SNX4: variants seen among roughly 807,000 people sequenced by gnomAD.
The protein encoded by SNX4 is sorting nexin-4.
SNX4 carries 49 observed loss-of-function variants against 70.8 expected under a neutral mutation model. The ratio of observed to expected loss-of-function variants is 0.69; its 90% CI spans 0.55 to 0.88. SNX4 has a LOEUF of 0.88. Among genes scored for constraint, SNX4 ranks in the 40% least tolerant of loss-of-function variants. The pLI is 0.00. For synonymous variants in SNX4, 206 were observed against 183.8 expected (o/e 1.12, Z -0.98); for missense variants, 528 against 544.8 (o/e 0.97, Z 0.31).
At chr3:125,517,924 C>T (rs930961931) in intron 1 of SNX4, among the ~76,000 whole-genome samples, 4 of 151,356 alleles carry the variant, frequency 2.6e-5, no homozygotes, top group Non-Finnish European at 4.4e-5. Flanking sequence ...CTGCAGTGAC[C>T]CGAGATCACG....
At chr3:125,498,557 C>T (rs1934860918) in intron 2 of SNX4, among the ~76,000 whole-genome samples, 1 of 152,146 alleles carries the variant, frequency 6.6e-6, no homozygotes, top group Non-Finnish European at 1.5e-5. Flanking sequence ...GGGCTTAAGC[C>T]ATCCTCCTGC....
chr3:125,503,761 T>G (rs1934981539), intron 2 of SNX4, among the ~76,000 whole-genome samples: 1 of 152,222 alleles, frequency 6.6e-6, no homozygotes, highest in Admixed American at 6.5e-5. Flanking sequence ...AAAGCATGTA[T>G]CGTTATTTGA....
At chr3:125,464,564 C>CTTTTTTTTTTTT (rs778518316) in intron 9 of SNX4, among the ~76,000 whole-genome samples, 19 of 67,056 alleles carry the variant, frequency 2.8e-4, no homozygotes, top group East Asian at 5.1e-4. Context: ...ATTTATCTTT[C>CTTTTTTTTTTTT]TTTTTTTTTT....
intron 2 of SNX4, 79 bp from the exon 3 acceptor site, chr3:125,498,273 A>G: frequency 7.8e-7 from 1 of 1,278,306 alleles, no homozygotes; most frequent in South Asian, 1.4e-5. Flanking sequence ...CTTTAAAATT[A>G]TAACTACAGA....
rs71148182 is a variant in SNX4, at chr3:125,506,817, T to TAAAAA, written c.142-2078_142-2074dup. Among the ~76,000 whole-genome samples, 11 of 26,830 alleles carry TAAAAA rather than the reference T, an allele frequency of 4.1e-4. 2 individuals are homozygous for TAAAAA. The highest frequency in any genetic ancestry group is 6.3e-4 in the Non-Finnish European group (8 of 12,788). The allele number at this position is 26,830 out of a possible 152,430, so 17.6% of individuals were successfully genotyped here. On this transcript the variant is annotated intron_variant, in intron 1 of 13. Coordinates refer to ENST00000251775, the MANE Select transcript of SNX4 (RefSeq NM_003794.4). ...AACTTAAAGAAAGATGTGGAGAAAG[T>TAAAAA]AAAAAAAAAAAAAAAAAAAAAAAAA... is the stretch of plus-strand genomic sequence containing the variant.
Position 125,502,030 on chromosome 3 carries a change from G to A in SNX4, c.263+2593C>T, listed in dbSNP as rs116437637. Reference sequence around the variant, plus strand: ...TCCAAATCAAGGTTCTCTCCTAGCAGTAAAAGTAATCAATACCTATGTGGG... The same window carrying A: ...TCCAAATCAAGGTTCTCTCCTAGCAATAAAAGTAATCAATACCTATGTGGG... On this transcript the variant is annotated intron_variant, in intron 2 of 13. Coordinates refer to ENST00000251775, the MANE Select transcript of SNX4 (RefSeq NM_003794.4). Among the ~76,000 whole-genome samples, 283 of 152,274 alleles carry A rather than the reference G, an allele frequency of 1.9e-3. 2 individuals are homozygous for A. Among genetic ancestry groups the A allele is most frequent in the Non-Finnish European group, 3.0e-3 (206 of 68,024 alleles).
chr3:125,489,283 T>C, intron 6 of SNX4, 125 bp downstream of exon 6: 2 of 709,578 alleles, frequency 2.8e-6, no homozygotes, highest in African/African-American at 3.6e-5. Flanking sequence ...TTAAAAGGAT[T>C]TCACTAAATG....
rs752957107 is a variant in SNX4, at chr3:125,469,506, T to C, written c.802A>G (p.Ile268Val). 2 of 1,612,780 alleles carry C rather than the reference T, an allele frequency of 1.2e-6. No homozygotes were observed. Among genetic ancestry groups the C allele is most frequent in the South Asian group, 1.1e-5 (1 of 91,038 alleles). ...YGRVFSEWSA[I>V]EKEMGDGLQS... is the part of the protein sequence containing the mutation. ...AGTCCATCACCCATTTCTTTTTCTATGGCACTCCATTCACTAGGGAGTAAA... is the reference window on the plus strand; with the variant it reads ...AGTCCATCACCCATTTCTTTTTCTACGGCACTCCATTCACTAGGGAGTAAA... The change falls in exon 9 of 14, where the codon ATA becomes GTA. Residue 268 changes from isoleucine (I) to valine (V), a missense_variant. Coordinates refer to ENST00000251775, the MANE Select transcript of SNX4 (RefSeq NM_003794.4).
chr3:125,471,956 GAACA>G (rs1348221810), intron 8 of SNX4, among the ~76,000 whole-genome samples: 2 of 152,146 alleles, frequency 1.3e-5, no homozygotes, highest in Non-Finnish European at 2.9e-5. Flanking sequence ...CTACTTAAAT[GAACA>G]AACAAATAAA....
chr3:125,505,411 G>C (rs370009522), intron 1 of SNX4, among the ~76,000 whole-genome samples: 1 of 152,226 alleles, frequency 6.6e-6, no homozygotes, highest in African/African-American at 2.4e-5. Flanking sequence ...TCTGTCTGAT[G>C]TAAGTATTTG....
chr3:125,490,075 A>G (rs1387512022), intron 5 of SNX4, among the ~76,000 whole-genome samples: 1 of 149,100 alleles, frequency 6.7e-6, no homozygotes, highest in African/African-American at 2.5e-5. Context: ...GTTGCAGTGA[A>G]TTGAGATCAT....
intron 11 of SNX4, 103 bp from the exon 12 acceptor site, chr3:125,454,058 T>C (rs1236429950): frequency 5.4e-6 from 5 of 918,008 alleles, no homozygotes; most frequent in African/African-American, 3.3e-5. Flanking sequence ...AAATCTGATA[T>C]ATGCTACAAC....
chr3:125,511,996 G>A (rs565799510), intron 1 of SNX4, among the ~76,000 whole-genome samples: 1 of 152,226 alleles, frequency 6.6e-6, no homozygotes. Context: ...AAGAAAAAGA[G>A]CCAACCCAGT....
Position 125,520,022 on chromosome 3 carries a change from T to C in SNX4, c.141+10A>G. On this transcript the variant is annotated intron_variant, in intron 1 of 13. Transcript: ENST00000251775. ...CAGGCCATGAGGGCTCTGCCGCCCC[T>C]TCTCCTCACCGTGTCGACCCCAGAG... is the stretch of plus-strand genomic sequence containing the variant. 1 of 1,380,446 alleles carries C rather than the reference T, an allele frequency of 7.2e-7. No homozygotes were observed. Among genetic ancestry groups the C allele is most frequent in the South Asian group, 1.2e-5 (1 of 82,596 alleles). The allele number at this position is 1,380,446 out of a possible 1,614,324, so 85.5% of individuals were successfully genotyped here. A position where few individuals can be genotyped will look rare whatever the true frequency, so the allele number is the denominator to read the frequency against.
chr3:125,468,181 G>C (rs553561819), intron 9 of SNX4, among the ~76,000 whole-genome samples: 7 of 152,170 alleles, frequency 4.6e-5, no homozygotes, highest in African/African-American at 1.7e-4. Context: ...TTATAAGTGG[G>C]AGTTAAACAT....
At chr3:125,498,287 A>AT in intron 2 of SNX4, 93 bp from the exon 3 acceptor site, 1 of 1,168,102 alleles carries the variant, frequency 8.6e-7, no homozygotes, top group African/African-American at 1.6e-5. Flanking sequence ...CTACAGAATG[A>AT]TTATGAACCA....
At chr3:125,479,677 G>C (rs1462523386) in intron 7 of SNX4, among the ~76,000 whole-genome samples, 1 of 152,078 alleles carries the variant, frequency 6.6e-6, no homozygotes, top group African/African-American at 2.4e-5. Context: ...CATGTTCTAA[G>C]GTTCCTTCTA....
chr3:125,497,101 A>G (rs988317108), intron 5 of SNX4, among the ~76,000 whole-genome samples: 2 of 151,668 alleles, frequency 1.3e-5, no homozygotes, highest in African/African-American at 4.8e-5. Context: ...AAAAAAATTC[A>G]CTGTTACAAA....
chr3:125,498,297 A>C (rs1934854832), intron 2 of SNX4, 103 bp from the exon 3 acceptor site: 1 of 1,085,178 alleles, frequency 9.2e-7, no homozygotes, highest in Non-Finnish European at 1.3e-6. Flanking sequence ...ATTATGAACC[A>C]GGCACTAAGT....
Sources: allele counts gnomAD v4.1 joint callset (sites outside exome capture counted in the v4.1 genomes callset), GRCh38; gene constraint gnomAD v4.1.1; transcripts MANE v1.5; gene names NCBI Gene and HGNC (gene_info 2026-07-23, HGNC 2026-07-21).